The following IL17RA variants were observed in gnomAD, a reference collection of about 807,000 sequenced individuals.
IL17RA encodes the protein interleukin 17 receptor A.
A neutral mutation model predicts 50.4 loss-of-function variants in IL17RA; 34 were observed. That is an observed-to-expected ratio of 0.67 (90% CI 0.51 to 0.90). IL17RA has a LOEUF of 0.90. Ranked by LOEUF, IL17RA falls within the 40% of genes least tolerant of loss-of-function variation. The pLI, the probability that IL17RA is intolerant of heterozygous loss-of-function variation, is 0.00. For synonymous variants in IL17RA, 585 were observed against 510.4 expected, an observed-to-expected ratio of 1.15 and a Z score of -1.97; for missense variants, 1,276 against 1,169.8, an observed-to-expected ratio of 1.09 and a Z score of -1.32.
rs2123802671 is a variant in IL17RA at position 17,102,185 on chromosome 22, C to T, written c.645C>T (p.His215=). 6.2e-7 allele frequency: 1 copy of T among 1,614,162 alleles called. No homozygotes were observed. The highest frequency in any genetic ancestry group is 8.5e-7 in the Non-Finnish European group (1 of 1,180,036). Residue 215 remains histidine, a synonymous_variant, in exon 7 of 13, where the codon CAC becomes CAT. Transcript: ENST00000319363. ...TCACCGTGGAGACCCTGGAGGCCCACCAGCTGCGTGTGAGCTTCACCCTGT... is the reference window on the plus strand; with the variant it reads ...TCACCGTGGAGACCCTGGAGGCCCATCAGCTGCGTGTGAGCTTCACCCTGT... ...PNITVETLEA[H]QLRVSFTLWN...
chr22:17,085,265 T>C, intron 1 of IL17RA, 36 bp downstream of exon 1: 2 of 1,535,440 alleles, frequency 1.3e-6, no homozygotes, highest in South Asian at 1.2e-5. Context: ...GCCGCCAGGA[T>C]GCTGCGGACG....
chr22:17,089,389 A>T (rs1568915564), intron 1 of IL17RA, among the ~76,000 whole-genome samples: 1 of 152,200 alleles, frequency 6.6e-6, no homozygotes, highest in African/African-American at 2.4e-5. Context: ...CTTAGCTCAT[A>T]GGATTGTTGT....
chr22:17,094,679 CTCTCTCTCTCTCTA>C (rs2061361170), intron 1 of IL17RA, among the ~76,000 whole-genome samples: 1 of 48,934 alleles, frequency 2.0e-5, no homozygotes, highest in Admixed American at 1.8e-4. Context: ...CTCTCTCTCT[CTCTCTCTCTCTCTA>C]TATATATATA....
At chr22:17,091,970 T>A (rs1448611577) in intron 1 of IL17RA, among the ~76,000 whole-genome samples, 1 of 152,220 alleles carries the variant, frequency 6.6e-6, no homozygotes, top group Non-Finnish European at 1.5e-5. Flanking sequence ...TACTAATGAT[T>A]CATTGGTGGC....
Position 17,107,698 on chromosome 22 carries a change from C to A in IL17RA, c.1046-29C>A, listed in dbSNP as rs114958651. On this transcript the variant is annotated intron_variant, in intron 11 of 12. Transcript: ENST00000319363. ...GTTTCTATTTCTCTTCCCAAAGAAC[C>A]ACTCCAGTGTATTTCTTTTCCTTTC... is the stretch of plus-strand genomic sequence containing the variant. 1.4e-3 allele frequency: 2,213 copies of A among 1,597,836 alleles called. 23 individuals are homozygous for A. In the African/African-American group the frequency reaches 0.026, roughly 19 times the overall value.
intron 5 of IL17RA, 54 bp downstream of exon 5, chr22:17,100,535 G>T: frequency 6.2e-7 from 1 of 1,602,860 alleles, no homozygotes. Context: ...TGAGAAGGAA[G>T]CACCAGGTGG....
rs1362868958 is a variant in IL17RA, at chr22:17,109,632, C to A, written c.2413C>A (p.Pro805Thr). 3.7e-6 allele frequency: 6 copies of A among 1,608,636 alleles called. No individual in the cohort carries two copies. Among genetic ancestry groups the A allele is most frequent in the Middle Eastern group, 1.7e-4 (1 of 5,928 alleles). The change falls in exon 13 of 13, where the codon CCC becomes ACC. Residue 805 changes from proline (P) to threonine (T), a missense_variant. Physicochemically the swap from Pro to Thr is conservative, Grantham distance 38. Coordinates refer to ENST00000319363, the MANE Select transcript of IL17RA (RefSeq NM_014339.7). ...CATCTCCAGGAGCTCCCCGCAGCCC[C>A]CCGAGGGACTCACGGAAATGGAGGA... is the stretch of plus-strand genomic sequence containing the variant. ...GYISRSSPQP[P>T]EGLTEMEEEE...
chr22:17,110,347 A>G lies in IL17RA; in HGVS notation c.*527A>G, dbSNP rs2061435945. The stretch of plus-strand genomic sequence containing the variant: ...ACCCCATCTCCACTAAAAATAGAAA[A>G]ATTAGCCGGGCATGGTGACACATGC... On this transcript the variant is annotated 3_prime_UTR_variant, in exon 13 of 13. Transcript: ENST00000319363. 5.6e-6 allele frequency: 1 copy of G among 178,344 alleles called. No homozygotes were observed. 11.0% of individuals were successfully genotyped at this position (178,344 alleles called of 1,614,324 possible).
chr22:17,088,260 C>T (rs2061335237), intron 1 of IL17RA, among the ~76,000 whole-genome samples: 1 of 152,212 alleles, frequency 6.6e-6, no homozygotes, highest in Non-Finnish European at 1.5e-5. Flanking sequence ...ATTTCTTCCT[C>T]TTAACCTTCA....
rs1057518745 is a variant in IL17RA at position 17,097,829 on chromosome 22, C to T, written c.196C>T (p.Arg66Ter). Residue 66 changes from arginine (R) to a stop codon, truncating the protein, a stop_gained, in exon 3 of 13, where the codon CGA becomes TGA. Coordinates refer to ENST00000319363, the MANE Select transcript of IL17RA (RefSeq NM_014339.7). LOFTEE classifies it high-confidence loss of function. Reference protein sequence around the residue: ...TCLDDSWIHPRNLTPSSPKDL... With the variant: ...TCLDDSWIHP ...CCTGGATGACAGCTGGATTCACCCT[C>T]GAAACCTGACCCCCTCCTCCCCAAA... 2.5e-6 allele frequency: 4 copies of T among 1,614,216 alleles called. No homozygotes were observed. The Admixed American group carries it at 5.0e-5, about 20-fold the overall frequency.
chr22:17,085,469 G>A (rs968630349), intron 1 of IL17RA, among the ~76,000 whole-genome samples: 2 of 152,154 alleles, frequency 1.3e-5, no homozygotes, highest in African/African-American at 4.8e-5. Context: ...CGCGGCGCGT[G>A]TTGCACAACC....
rs2061385791 is a variant in IL17RA, at chr22:17,100,279, A to G, written c.424-76A>G. Reference sequence around the variant, plus strand: ...GCTGAATATTCGGGAGTGGGTGGGAACGGGGGTCTTTGGGCATAGATGGGT... The same window carrying G: ...GCTGAATATTCGGGAGTGGGTGGGAGCGGGGGTCTTTGGGCATAGATGGGT... On this transcript the variant is annotated intron_variant, in intron 4 of 12. Transcript: ENST00000319363. The G allele has an allele frequency of 4.4e-6, 7 of 1,574,300 alleles. No individual in the cohort carries two copies. In the South Asian group the frequency reaches 6.7e-5, roughly 15 times the overall value.
intron 2 of IL17RA, 172 bp from the exon 3 acceptor site, chr22:17,097,625 A>C: frequency 1.5e-6 from 1 of 678,808 alleles, no homozygotes; most frequent in Non-Finnish European, 2.5e-6. Context: ...GACCCCAGTA[A>C]ACATTAGAGA....
rs1188361528 is a variant in IL17RA at position 17,085,175 on chromosome 22, G to A, written c.84G>A (p.Pro28=). ...LLLLLLGVLA[P]GGASLRLLDH... ...TGCTGCTCCTGGGCGTGCTGGCCCC[G>A]GGTGGCGCCTCCCTGCGACTCCTGG... Residue 28 remains proline, a synonymous_variant, in exon 1 of 13, where the codon CCG becomes CCA. Transcript: ENST00000319363. The A allele has an allele frequency of 1.3e-6, 2 of 1,525,522 alleles. No homozygotes were observed. Among genetic ancestry groups the A allele is most frequent in the Non-Finnish European group, 1.8e-6 (2 of 1,141,844 alleles). The allele number at this position is 1,525,522 out of a possible 1,614,324, so 94.5% of individuals were successfully genotyped here. A position where few individuals can be genotyped will look rare whatever the true frequency, so the allele number is the denominator to read the frequency against.
At position 17,108,790 on chromosome 22, in the gene IL17RA, C is replaced by G; in HGVS notation, c.1571C>G (p.Pro524Arg). 1 of 1,607,852 alleles carries G rather than the reference C, an allele frequency of 6.2e-7. No individual in the cohort carries two copies. ...CTGTTCGGCGCGGCGCCGCGGTACCCGCTCATGGACAGGTTCGAGGAGGTG... is the reference window on the plus strand; with the variant it reads ...CTGTTCGGCGCGGCGCCGCGGTACCGGCTCATGGACAGGTTCGAGGAGGTG... ...PDLFGAAPRY[P>R]LMDRFEEVYF... Residue 524 changes from proline to arginine, a missense_variant, in exon 13 of 13, where the codon CCG becomes CGG. Pro to Arg is a moderately radical substitution (Grantham distance 103). Coordinates refer to ENST00000319363, the MANE Select transcript of IL17RA (RefSeq NM_014339.7).
intron 4 of IL17RA, 70 bp from the exon 5 acceptor site, chr22:17,100,285 G>A (rs1361320822): frequency 2.2e-5 from 35 of 1,593,152 alleles, no homozygotes; most frequent in Middle Eastern, 1.7e-4. Context: ...GGGAACGGGG[G>A]TCTTTGGGCA....
intron 5 of IL17RA, among the ~76,000 whole-genome samples, chr22:17,101,026 C>T (rs548420370): frequency 6.6e-6 from 1 of 152,272 alleles, no homozygotes; most frequent in East Asian, 1.9e-4. Context: ...CTGTCCTCCC[C>T]AGAAGCTCAG....
Position 17,098,819 on chromosome 22 carries a change from C to A in IL17RA, c.355C>A (p.Leu119Met), listed in dbSNP as rs766246086. 2.3e-5 allele frequency: 37 copies of A among 1,614,124 alleles called. No individual in the cohort carries two copies. The highest frequency in any genetic ancestry group is 5.0e-5 in the Admixed American group (3 of 60,006). ...GGGTGCAGAGTTATCTGTCCTGCAG[C>A]TGAACACCAATGAACGTTTGTGCGT... is the stretch of plus-strand genomic sequence containing the variant. Reference protein sequence around the residue: ...LEGAELSVLQLNTNERLCVRF... With the variant: ...LEGAELSVLQMNTNERLCVRF... The change falls in exon 4 of 13, where the codon CTG (leucine) becomes ATG (methionine). Residue 119 changes from leucine to methionine, a missense_variant. Physicochemically the swap from Leu to Met is conservative, Grantham distance 15. Coordinates refer to ENST00000319363, the MANE Select transcript of IL17RA (RefSeq NM_014339.7).
At chr22:17,104,917 A>G in intron 9 of IL17RA, 107 bp downstream of exon 9, 1 of 1,079,464 alleles carries the variant, frequency 9.3e-7, no homozygotes. Context: ...TAGGGAGGAG[A>G]GTTTAGTTTA....
Sources: gnomAD v4.1 joint callset for allele counts (sites outside exome capture counted in the v4.1 genomes callset) on GRCh38, gnomAD v4.1.1 for gene constraint, MANE v1.5 for transcripts, NCBI Gene and HGNC (gene_info 2026-07-23, HGNC 2026-07-21) for gene names.